TMEM164: variants seen among roughly 807,000 people sequenced by gnomAD.
The protein encoded by TMEM164 is RP13-360B22.2.
Under a neutral mutation model 18.8 loss-of-function variants are expected in TMEM164, and 4 were observed. The ratio of observed to expected loss-of-function variants is 0.21; its 90% CI spans 0.10 to 0.49. TMEM164 has a LOEUF of 0.49. Among genes scored for constraint, TMEM164 ranks in the 20% least tolerant of loss-of-function variants. The pLI is 0.98. For missense variants in TMEM164, 108 were observed against 239.9 expected, an observed-to-expected ratio of 0.45 and a Z score of 3.63; for synonymous variants, 86 against 101.7, an observed-to-expected ratio of 0.85 and a Z score of 0.93.
At chrX:110,167,417 T>A (rs1183555712) in intron 5 of TMEM164, among the ~76,000 whole-genome samples, 1 of 112,084 alleles carries the variant, frequency 8.9e-6, no homozygotes, top group African/African-American at 3.2e-5. Flanking sequence ...GCCTGGTGTT[T>A]TGTCTTTTGT....
chrX:110,055,778 A>AG (rs1192320132), intron 2 of TMEM164, among the ~76,000 whole-genome samples: 1 of 110,974 alleles, frequency 9.0e-6, no homozygotes, highest in African/African-American at 3.3e-5. Flanking sequence ...AGAGAATCTC[A>AG]GGGGGAAGGA....
intron 3 of TMEM164, among the ~76,000 whole-genome samples, chrX:110,102,299 C>T (rs1488737050): frequency 1.8e-5 from 2 of 111,081 alleles, no homozygotes; most frequent in Non-Finnish European, 3.8e-5. Context: ...AGCCCACATC[C>T]GGCCACTGCA....
intron 2 of TMEM164, among the ~76,000 whole-genome samples, chrX:110,020,110 T>C (rs1016376692): frequency 8.9e-6 from 1 of 112,455 alleles, no homozygotes; most frequent in Admixed American, 9.4e-5. Flanking sequence ...TATTTTAGCA[T>C]GTTATTCTGC....
chrX:110,114,209 C>G (rs2066329659), intron 4 of TMEM164, among the ~76,000 whole-genome samples: 1 of 111,922 alleles, frequency 8.9e-6, no homozygotes, highest in East Asian at 2.8e-4. Flanking sequence ...GATAAATGCA[C>G]AAACACACAA....
At chrX:110,178,119 A>G (rs1440952541), downstream of TMEM164, among the ~76,000 whole-genome samples, 4 of 112,242 alleles carry the variant, frequency 3.6e-5, no homozygotes, top group Admixed American at 2.8e-4. Context: ...GGCCCACTCA[A>G]CCTAGATTTC....
rs923765179 is a variant in TMEM164, at chrX:110,104,200, G to A, written c.441-4880G>A. ...TGCCATCGTAATTGAGAGATGTAAAGATATAAAGATGCACTATTAAAACAT... is the reference window on the plus strand; with the variant it reads ...TGCCATCGTAATTGAGAGATGTAAAAATATAAAGATGCACTATTAAAACAT... On this transcript the variant is annotated intron_variant, in intron 3 of 6. Coordinates refer to ENST00000372068, the MANE Select transcript of TMEM164 (RefSeq NM_032227.4). 8.0e-5 allele frequency among the ~76,000 whole-genome samples: 9 copies of A among 111,965 alleles called. No individual in the cohort carries two copies. The East Asian group carries it at 2.5e-3, about 31-fold the overall frequency.
intron 2 of TMEM164, among the ~76,000 whole-genome samples, chrX:110,023,505 C>T (rs1340079602): frequency 9.0e-6 from 1 of 110,986 alleles, no homozygotes; most frequent in Non-Finnish European, 1.9e-5. Flanking sequence ...TTGGGGCTTT[C>T]TCAGAAGGTT....
At chrX:110,057,507 TA>T (rs942094249) in intron 2 of TMEM164, among the ~76,000 whole-genome samples, 8 of 110,263 alleles carry the variant, frequency 7.3e-5, no homozygotes, top group African/African-American at 2.6e-4. Context: ...AACTGTTGGA[TA>T]AGTATTCCAG....
intron 4 of TMEM164, among the ~76,000 whole-genome samples, chrX:110,143,654 A>G (rs1013564813): frequency 5.4e-5 from 6 of 111,189 alleles, no homozygotes; most frequent in Non-Finnish European, 9.4e-5. Flanking sequence ...AGCCCTTGGC[A>G]TAAGACAGAC....
At chrX:110,030,995 T>A (rs929415836) in intron 2 of TMEM164, among the ~76,000 whole-genome samples, 1 of 110,941 alleles carries the variant, frequency 9.0e-6, no homozygotes, top group Non-Finnish European at 1.9e-5. Flanking sequence ...CATGGTGGTT[T>A]GCTGCACCCA....
intron 5 of TMEM164, 141 bp downstream of exon 5, chrX:110,145,017 G>C (rs1569349582): frequency 4.4e-6 from 2 of 455,502 alleles, no homozygotes; most frequent in Non-Finnish European, 7.4e-6. Flanking sequence ...TTTATGCCGG[G>C]CACCAGGAAG....
Position 110,129,759 on chromosome X carries a change from A to G in TMEM164, c.508-15039A>G, listed in dbSNP as rs2066586723. Among the ~76,000 whole-genome samples the G allele has an allele frequency of 1.8e-5, 2 of 111,773 alleles. 1 individual carries two copies. Among genetic ancestry groups the G allele is most frequent in the Admixed American group, 1.9e-4 (2 of 10,497 alleles). Reference sequence around the variant, plus strand: ...ATTCTAATTCTATTCCTTGGTTGTCAGTGCTCTCCTGAAATATCTCTAAAT... The same window carrying G: ...ATTCTAATTCTATTCCTTGGTTGTCGGTGCTCTCCTGAAATATCTCTAAAT... On this transcript the variant is annotated intron_variant, in intron 4 of 6. Coordinates refer to ENST00000372068, the MANE Select transcript of TMEM164 (RefSeq NM_032227.4).
intron 2 of TMEM164, among the ~76,000 whole-genome samples, chrX:110,066,913 A>T (rs997624495): frequency 7.2e-5 from 8 of 111,871 alleles, no homozygotes; most frequent in South Asian, 3.8e-4. Context: ...TTTATCTGCA[A>T]TTCGAATGTA....
At chrX:110,022,745 T>G (rs749935667) in intron 2 of TMEM164, among the ~76,000 whole-genome samples, 1 of 112,011 alleles carries the variant, frequency 8.9e-6, no homozygotes, top group African/African-American at 3.2e-5. Context: ...ACAAAAGTAT[T>G]AGATGTGGTT....
At chrX:110,061,813 T>A (rs543876621) in intron 2 of TMEM164, among the ~76,000 whole-genome samples, 1 of 110,321 alleles carries the variant, frequency 9.1e-6, no homozygotes, top group African/African-American at 3.3e-5. Context: ...AACCGTGGAG[T>A]GTAAGGGAAG....
At chrX:110,067,426 C>T in intron 3 of TMEM164, 30 bp downstream of exon 3, 1 of 1,177,890 alleles carries the variant, frequency 8.5e-7, no homozygotes, top group Non-Finnish European at 1.2e-6. Context: ...TGCTCTGTTG[C>T]TCTTCAGAGT....
intron 4 of TMEM164, among the ~76,000 whole-genome samples, chrX:110,116,876 G>T (rs912585886): frequency 1.7e-4 from 17 of 98,980 alleles, no homozygotes; most frequent in East Asian, 6.3e-4. Context: ...GTGTGTGTGT[G>T]GTGTGTGTGT....
intron 5 of TMEM164, among the ~76,000 whole-genome samples, chrX:110,160,794 G>T (rs926745089): frequency 8.9e-6 from 1 of 112,148 alleles, no homozygotes; most frequent in Non-Finnish European, 1.9e-5. Context: ...AGGCTGGAAT[G>T]TAGTGGTGTG....
chrX:110,093,283 C>G (rs1430965955), intron 3 of TMEM164, among the ~76,000 whole-genome samples: 1 of 111,450 alleles, frequency 9.0e-6, no homozygotes, highest in Non-Finnish European at 1.9e-5. Flanking sequence ...CCTCTTTGTA[C>G]CTCTGGTAGA....
Sources: gnomAD v4.1 joint callset for allele counts (sites outside exome capture counted in the v4.1 genomes callset) on GRCh38, gnomAD v4.1.1 for gene constraint, MANE v1.5 for transcripts, NCBI Gene and HGNC (gene_info 2026-07-23, HGNC 2026-07-21) for gene names.